RFC1: variants seen among roughly 807,000 people sequenced by gnomAD.
RFC1 encodes replication factor C subunit 1, also known as A1 140 kDa subunit.
In RFC1, 37 loss-of-function variants were observed where a neutral mutation model predicts 137.4. The observed-to-expected ratio is 0.27, with a 90% confidence interval of 0.21 to 0.35. The LOEUF is 0.35. RFC1 is among the 10% of genes least tolerant of loss of function. The probability of loss-of-function intolerance (pLI) is 1.00; values close to 1 mark genes in which losing one functional copy is unlikely to be tolerated. For synonymous variants in RFC1, 429 were observed against 455.7 expected (o/e 0.94, Z 0.75); for missense variants, 1,205 against 1,358.5 (o/e 0.89, Z 1.78).
chr4:39,334,116 G>C (rs1740240884), intron 4 of RFC1, among the ~76,000 whole-genome samples: 5 of 151,908 alleles, frequency 3.3e-5, no homozygotes, highest in Admixed American at 2.0e-4. Context: ...CCCCTGATTT[G>C]CCAATTTCCC....
intron 21 of RFC1, among the ~76,000 whole-genome samples, chr4:39,296,563 C>T (rs1738021036): frequency 1.3e-5 from 2 of 150,040 alleles, no homozygotes; most frequent in Non-Finnish European, 3.0e-5. Context: ...TCATCCATGT[C>T]CCTACAAAGG....
intron 1 of RFC1, among the ~76,000 whole-genome samples, chr4:39,362,517 G>A (rs1248109469): frequency 6.6e-6 from 1 of 152,182 alleles, no homozygotes; most frequent in African/African-American, 2.4e-5. Context: ...TGACAAGGGT[G>A]CCAAGATAAT....
chr4:39,340,456 T>TAC (rs956102531), intron 4 of RFC1, among the ~76,000 whole-genome samples: 8 of 152,028 alleles, frequency 5.3e-5, no homozygotes, highest in Non-Finnish European at 1.2e-4. Context: ...AATTCTATTA[T>TAC]ACACACACAC....
chr4:39,353,454 A>G (rs1244998759), intron 1 of RFC1, among the ~76,000 whole-genome samples: 1 of 151,142 alleles, frequency 6.6e-6, no homozygotes. Flanking sequence ...CTCTGGCTTT[A>G]TATCCTCTTT....
At chr4:39,303,946 T>C (rs1217787452) in intron 15 of RFC1, among the ~76,000 whole-genome samples, 3 of 152,230 alleles carry the variant, frequency 2.0e-5, no homozygotes, top group Non-Finnish European at 2.9e-5. Context: ...TCCTTATCTA[T>C]ATGGCATATA....
chr4:39,308,974 T>C lies in RFC1; in HGVS notation c.1547A>G (p.Lys516Arg), dbSNP rs760899943. The stretch of plus-strand genomic sequence containing the variant: ...TGATTCCTTTTTAGATGGACTAATT[T>C]TTCTTTTTCCTTGGACATTTTTTTG... ...TPQKNVQGKR[K>R]ISPSKKESES... Residue 516 changes from lysine (K) to arginine (R), a missense_variant, in exon 13 of 25, where the codon AAA becomes AGA. Physicochemically the swap from Lys to Arg is conservative, Grantham distance 26. Around this residue, in one of 3 missense-constraint regions of RFC1, gnomAD observed 962 missense variants for 1,035.3 expected, o/e 0.93. Coordinates refer to ENST00000349703, the MANE Select transcript of RFC1 (RefSeq NM_002913.5). The C allele has an allele frequency of 3.1e-6, 5 of 1,612,586 alleles. No individual in the cohort carries two copies. The South Asian group carries it at 4.4e-5, about 14-fold the overall frequency.
chr4:39,366,270 G>A lies in RFC1; in HGVS notation c.-29C>T. 2 of 1,530,288 alleles carry A rather than the reference G, an allele frequency of 1.3e-6. No individual in the cohort carries two copies. The highest frequency in any genetic ancestry group is 1.8e-6 in the Non-Finnish European group (2 of 1,137,874). The allele number at this position is 1,530,288 out of a possible 1,614,324, so 94.8% of individuals were successfully genotyped here. On this transcript the variant is annotated 5_prime_UTR_variant, in exon 1 of 25. Transcript: ENST00000349703. ...AGCCCCAGGATGAAGGCGCTGGCTG[G>A]CTGGCGGGTGGGCCGGTTGAGGAAT...
intron 1 of RFC1, among the ~76,000 whole-genome samples, chr4:39,362,456 C>CT (rs1219896708): frequency 6.6e-6 from 1 of 152,134 alleles, no homozygotes; most frequent in African/African-American, 2.4e-5. Flanking sequence ...ATCAATGGAA[C>CT]AGAACTGGGA....
intron 4 of RFC1, among the ~76,000 whole-genome samples, chr4:39,334,722 A>G (rs1740270280): frequency 6.6e-6 from 1 of 152,194 alleles, no homozygotes; most frequent in African/African-American, 2.4e-5. Context: ...AAAATCATGA[A>G]CAATTGAACA....
At chr4:39,347,253 A>G (rs190193594) in intron 2 of RFC1, among the ~76,000 whole-genome samples, 58 of 152,370 alleles carry the variant, frequency 3.8e-4, no homozygotes, top group African/African-American at 1.3e-3. Context: ...AGTAAAGCAG[A>G]CTGCCCTCCC....
Position 39,288,864 on chromosome 4 carries a change from A to C in RFC1, c.3361-20T>G. ...CTTTTTCTGTTAGGGGGAAGATAAC[A>C]AAATAGTTAATAGCTGTGTTTATGA... On this transcript the variant is annotated intron_variant, in intron 24 of 24. Coordinates refer to ENST00000349703, the MANE Select transcript of RFC1 (RefSeq NM_002913.5). 1 of 1,450,710 alleles carries C rather than the reference A, an allele frequency of 6.9e-7. No individual in the cohort carries two copies. Among genetic ancestry groups the C allele is most frequent in the Non-Finnish European group, 9.7e-7 (1 of 1,034,978 alleles). 89.9% of individuals were successfully genotyped at this position (1,450,710 alleles called of 1,614,324 possible). A position where few individuals can be genotyped will look rare whatever the true frequency, so the allele number is the denominator to read the frequency against.
intron 2 of RFC1, among the ~76,000 whole-genome samples, chr4:39,346,610 A>T (rs17334715): frequency 0.018 from 2,761 of 152,360 alleles, 97 homozygotes; most frequent in African/African-American, 0.063. Context: ...AACTGATTGT[A>T]ATCAATTATA....
intron 1 of RFC1, among the ~76,000 whole-genome samples, chr4:39,357,752 G>A (rs1741552577): frequency 6.6e-6 from 1 of 151,874 alleles, no homozygotes; most frequent in Admixed American, 6.6e-5. Flanking sequence ...AAGTAGCTGG[G>A]ATTACAGGTG....
In RFC1 at chr4:39,308,683, C is replaced by T. The variant is rs1057747; in HGVS notation, c.1838G>A (p.Arg613His). 2.5e-6 allele frequency: 4 copies of T among 1,614,024 alleles called. No individual in the cohort carries two copies. Among genetic ancestry groups the T allele is most frequent in the Non-Finnish European group, 3.4e-6 (4 of 1,179,982 alleles). The change falls in exon 13 of 25, where the codon CGC (arginine) becomes CAC (histidine). Residue 613 changes from arginine to histidine, a missense_variant. Arg to His is a conservative substitution (Grantham distance 29). This residue lies in a region of RFC1 where 962 missense variants were observed against 1,035.3 expected (regional missense o/e 0.93). Coordinates refer to ENST00000349703, the MANE Select transcript of RFC1 (RefSeq NM_002913.5). ...ACTCTTTTGCCAGTTTCGGAGCCAG[C>T]GTAGGAGTTTGTTGGCACAGCTCTG... is the stretch of plus-strand genomic sequence containing the variant. ...GDQSCANKLL[R>H]WLRNWQKSSS...
Position 39,316,982 on chromosome 4 carries a change from T to C in RFC1, c.1136A>G (p.Tyr379Cys). The change falls in exon 10 of 25, where the codon TAT (tyrosine) becomes TGT (cysteine). Residue 379 changes from tyrosine (Y) to cysteine (C), a missense_variant. Physicochemically the swap from Tyr to Cys is radical, Grantham distance 194. This residue lies in a region of RFC1 where 962 missense variants were observed against 1,035.3 expected (regional missense o/e 0.93). Coordinates refer to ENST00000349703, the MANE Select transcript of RFC1 (RefSeq NM_002913.5). ...ATTTAAGTAGCTTCGATAAGCTTGA[T>C]AATTAGTGCGTTTCTTTTCAGAATC... Reference protein sequence around the residue: ...PEDSEKKRTNYQAYRSYLNRE... With the variant: ...PEDSEKKRTNCQAYRSYLNRE... 2 of 1,614,116 alleles carry C rather than the reference T, an allele frequency of 1.2e-6. No homozygotes were observed. The highest frequency in any genetic ancestry group is 1.1e-5 in the South Asian group (1 of 91,086).
At chr4:39,311,400 A>G (rs1433638438) in intron 12 of RFC1, 45 bp downstream of exon 12, 2 of 1,508,920 alleles carry the variant, frequency 1.3e-6, no homozygotes, top group African/African-American at 1.4e-5. Context: ...ATGAAATTAA[A>G]AAGTTAATAT....
Position 39,308,816 on chromosome 4 carries a change from C to T in RFC1, c.1705G>A (p.Ala569Thr), listed in dbSNP as rs747426890. ...CTGCTGTCATCAGCCAAATTCCTAGCCTTGCTGTCACCACTTGTCTCCTCA... is the reference window on the plus strand; with the variant it reads ...CTGCTGTCATCAGCCAAATTCCTAGTCTTGCTGTCACCACTTGTCTCCTCA... ...VAEETSGDSK[A>T]RNLADDSSEN... Residue 569 changes from alanine to threonine, a missense_variant, in exon 13 of 25, where the codon GCT becomes ACT. Coordinates refer to ENST00000349703, the MANE Select transcript of RFC1 (RefSeq NM_002913.5). 8.1e-6 allele frequency: 13 copies of T among 1,614,150 alleles called. No individual in the cohort carries two copies. The highest frequency in any genetic ancestry group is 1.1e-5 in the Non-Finnish European group (13 of 1,180,012).
intron 7 of RFC1, 115 bp from the exon 8 acceptor site, chr4:39,321,489 T>A: frequency 1.3e-6 from 1 of 785,816 alleles, no homozygotes; most frequent in Non-Finnish European, 2.0e-6. Context: ...AGCAGGACAC[T>A]ACAATAAACT....
chr4:39,320,558 A>G lies in RFC1; in HGVS notation c.920T>C (p.Ile307Thr), dbSNP rs1210493037. 3.1e-6 allele frequency: 5 copies of G among 1,613,468 alleles called. No individual in the cohort carries two copies. The highest frequency in any genetic ancestry group is 4.2e-6 in the Non-Finnish European group (5 of 1,179,910). The change falls in exon 9 of 25, where the codon ATA becomes ACA. Residue 307 changes from isoleucine to threonine, a missense_variant. Physicochemically the swap from Ile to Thr is moderately conservative, Grantham distance 89. Coordinates refer to ENST00000349703, the MANE Select transcript of RFC1 (RefSeq NM_002913.5). Reference sequence around the variant, plus strand: ...GGCCTTGGGAGAAGAGACTTCTCCTATTTTGTCAGCTGATGACTTGGAATG... The same window carrying G: ...GGCCTTGGGAGAAGAGACTTCTCCTGTTTTGTCAGCTGATGACTTGGAATG... ...QQHSKSSADK[I>T]GEVSSPKASS...
Sources: allele counts gnomAD v4.1 joint callset (sites outside exome capture counted in the v4.1 genomes callset), GRCh38; gene constraint gnomAD v4.1.1; regional missense constraint gnomAD v4.1.1; transcripts MANE v1.5; gene names NCBI Gene and HGNC (gene_info 2026-07-23, HGNC 2026-07-21).